NUP210: variants seen among roughly 807,000 people sequenced by gnomAD.
NUP210 encodes nuclear pore membrane glycoprotein 210.
A neutral mutation model predicts 196.0 loss-of-function variants in NUP210; 151 were observed. The ratio of observed to expected loss-of-function variants is 0.77; its 90% CI spans 0.67 to 0.88. The LOEUF (loss-of-function observed/expected upper bound fraction) is 0.88. NUP210 is among the 40% of genes least tolerant of loss of function. The pLI, the probability that NUP210 is intolerant of heterozygous loss-of-function variation, is 0.00. For synonymous variants in NUP210, 1,070 were observed against 1,052.7 expected (o/e 1.02, Z -0.32); for missense variants, 2,314 against 2,493.7 (o/e 0.93, Z 1.53).
intron 29 of NUP210, among the ~76,000 whole-genome samples, chr3:13,331,499 G>C (rs1314404922): frequency 6.6e-6 from 1 of 152,104 alleles, no homozygotes; most frequent in Non-Finnish European, 1.5e-5. Flanking sequence ...ATCTCCATCT[G>C]GGACATGCCT....
intron 25 of NUP210, among the ~76,000 whole-genome samples, chr3:13,339,640 G>C (rs1481661506): frequency 6.6e-6 from 1 of 152,234 alleles, no homozygotes; most frequent in East Asian, 1.9e-4. Context: ...GGAAGGACTG[G>C]GAGACTCAGC....
chr3:13,396,996 T>A (rs995008954), intron 3 of NUP210, among the ~76,000 whole-genome samples: 1 of 152,078 alleles, frequency 6.6e-6, no homozygotes, highest in African/African-American at 2.4e-5. Flanking sequence ...CTCCCATCGC[T>A]GCCAAGAATG....
rs151148719 is a variant in NUP210 at position 13,327,185 on chromosome 3, C to T, written c.4507+32G>A. On this transcript the variant is annotated intron_variant, in intron 32 of 39. Coordinates refer to ENST00000254508, the MANE Select transcript of NUP210 (RefSeq NM_024923.4). The stretch of plus-strand genomic sequence containing the variant: ...CCCAGCTTTGCAAGCGTCCGTGACT[C>T]CACAGGTTCCCTTGCTCAGGATCTA... 3.7e-4 allele frequency: 580 copies of T among 1,583,028 alleles called. 3 individuals carry two copies. In the African/African-American group the frequency reaches 6.5e-3, roughly 18 times the overall value.
intron 6 of NUP210, among the ~76,000 whole-genome samples, chr3:13,385,975 G>A (rs187017915): frequency 5.3e-5 from 8 of 152,302 alleles, no homozygotes; most frequent in South Asian, 2.1e-4. Context: ...ATGATTCCAC[G>A]TACATGAGGT....
At chr3:13,337,094 G>A in intron 26 of NUP210, 176 bp from the exon 27 acceptor site, 1 of 672,428 alleles carries the variant, frequency 1.5e-6, no homozygotes, top group South Asian at 1.8e-5. Context: ...AACCAGAGGT[G>A]GGACTGTTTT....
At chr3:13,399,163 G>A (rs1699757217) in intron 2 of NUP210, among the ~76,000 whole-genome samples, 1 of 151,574 alleles carries the variant, frequency 6.6e-6, no homozygotes, top group African/African-American at 2.4e-5. Context: ...CTACTCGGGA[G>A]GCTGAGGCAG....
At chr3:13,358,842 GC>G (rs1698275599) in intron 15 of NUP210, among the ~76,000 whole-genome samples, 1 of 152,224 alleles carries the variant, frequency 6.6e-6, no homozygotes, top group East Asian at 1.9e-4. Context: ...TAGGAGCTCT[GC>G]AGGACAACGC....
chr3:13,359,281 T>C (rs1196396048), intron 15 of NUP210, among the ~76,000 whole-genome samples: 2 of 152,214 alleles, frequency 1.3e-5, no homozygotes, highest in African/African-American at 2.4e-5. Flanking sequence ...ACAGGGATGG[T>C]GGGGTCATGC....
intron 1 of NUP210, among the ~76,000 whole-genome samples, chr3:13,402,037 A>C (rs1395545102): frequency 6.6e-6 from 1 of 152,168 alleles, no homozygotes; most frequent in Admixed American, 6.5e-5. Flanking sequence ...TCTACAAAAA[A>C]AAATTTTTTT....
Position 13,420,106 on chromosome 3 carries a change from T to C in NUP210, c.121A>G (p.Thr41Ala), listed in dbSNP as rs143980631. The change falls in exon 1 of 40, where the codon ACG (threonine) becomes GCG (alanine). Residue 41 changes from threonine (T) to alanine (A), a missense_variant. Coordinates refer to ENST00000254508, the MANE Select transcript of NUP210 (RefSeq NM_024923.4). The surrounding 1 kb of genome is among the most constrained non-coding windows in gnomAD (Gnocchi z 4.8). Reference protein sequence around the residue: ...PKVLLPFTRATRVNFTLEASE... With the variant: ...PKVLLPFTRAARVNFTLEASE... ...GCCTCCAGCGTGAAGTTAACGCGCG[T>C]GGCCCGCGTGAAGGGCAGCAGCACT... The C allele has an allele frequency of 7.2e-7, 1 of 1,380,498 alleles. No individual in the cohort carries two copies. The highest frequency in any genetic ancestry group is 1.5e-5 in the African/African-American group (1 of 65,870). 85.5% of individuals were successfully genotyped at this position (1,380,498 alleles called of 1,614,324 possible). A position where few individuals can be genotyped will look rare whatever the true frequency, so the allele number is the denominator to read the frequency against.
chr3:13,331,793 T>C (rs1320862282), intron 29 of NUP210, among the ~76,000 whole-genome samples: 1 of 152,192 alleles, frequency 6.6e-6, no homozygotes, highest in Non-Finnish European at 1.5e-5. Flanking sequence ...CCCCTTGGAA[T>C]CAAAGGTAGG....
At chr3:13,412,956 G>A (rs1449092084) in intron 1 of NUP210, among the ~76,000 whole-genome samples, 1 of 151,764 alleles carries the variant, frequency 6.6e-6, no homozygotes, top group Non-Finnish European at 1.5e-5. Context: ...GATCAACAGA[G>A]CAAGACTCTG....
In NUP210 at chr3:13,376,319, T is replaced by C; in HGVS notation, c.1265A>G (p.Asp422Gly). ...GTCCACCACAGAGGTGAGGGCCGCG[T>C]CAATGGCCGTCTGTCCCCTCTTTAG... ...RALKRGQTAI[D>G]AALTSVVDQD... is the part of the protein sequence containing the mutation. Residue 422 changes from aspartate to glycine, a missense_variant, in exon 10 of 40, where the codon GAC (aspartate) becomes GGC (glycine). Coordinates refer to ENST00000254508, the MANE Select transcript of NUP210 (RefSeq NM_024923.4). 1.9e-6 allele frequency: 3 copies of C among 1,614,072 alleles called. No individual in the cohort carries two copies. Among genetic ancestry groups the C allele is most frequent in the Non-Finnish European group, 2.5e-6 (3 of 1,180,026 alleles).
chr3:13,339,758 T>C, intron 25 of NUP210, 96 bp downstream of exon 25: 1 of 1,161,842 alleles, frequency 8.6e-7, no homozygotes, highest in South Asian at 1.3e-5. Flanking sequence ...AGCAGCACCC[T>C]TGGAGAGGGG....
intron 36 of NUP210, among the ~76,000 whole-genome samples, chr3:13,320,271 G>A (rs73813538): frequency 8.4e-4 from 128 of 152,256 alleles, no homozygotes; most frequent in African/African-American, 2.9e-3. Context: ...TTTGAGGGAA[G>A]GACAAATCAA....
At chr3:13,317,922 G>A (rs1696338970) in intron 39 of NUP210, 141 bp from the exon 40 acceptor site, 4 of 629,966 alleles carry the variant, frequency 6.3e-6, no homozygotes, top group Non-Finnish European at 1.1e-5. Context: ...GGCCAGCAGA[G>A]GGAAGTCCAC....
chr3:13,358,228 C>T lies in NUP210; in HGVS notation c.2322G>A (p.Lys774=). Residue 774 remains lysine, a synonymous_variant, in exon 16 of 40, where the codon AAG becomes AAA. Transcript: ENST00000254508. ...GAGCATAGCCCACACTCACCACCTG[C>T]TTGTTCTGCTGCAGCAGCGGACAGG... is the stretch of plus-strand genomic sequence containing the variant. ...DMSCPLLQQN[K]QVVPVSSHRN... is the part of the protein sequence containing the mutation. 1.2e-6 allele frequency: 2 copies of T among 1,606,544 alleles called. No individual in the cohort carries two copies. Among genetic ancestry groups the T allele is most frequent in the Non-Finnish European group, 1.7e-6 (2 of 1,175,214 alleles).
chr3:13,337,079 G>T, intron 26 of NUP210, 161 bp from the exon 27 acceptor site: 1 of 777,978 alleles, frequency 1.3e-6, no homozygotes. Context: ...AATATCAAAC[G>T]AGCAAACCAG....
chr3:13,376,756 C>T (rs944217148), intron 9 of NUP210, among the ~76,000 whole-genome samples: 4 of 152,226 alleles, frequency 2.6e-5, no homozygotes, highest in Non-Finnish European at 4.4e-5. Context: ...AAAAAAAGGA[C>T]ATCACGTCCC....
Sources: gnomAD v4.1 joint callset for allele counts (sites outside exome capture counted in the v4.1 genomes callset) on GRCh38, gnomAD v4.1.1 for gene constraint, Gnocchi (gnomAD v3.1) non-coding constraint, MANE v1.5 for transcripts, NCBI Gene and HGNC (gene_info 2026-07-23, HGNC 2026-07-21) for gene names.